Variants in ACAP2 observed in about 807,000 individuals in gnomAD.
ACAP2 encodes ArfGAP with coiled-coil, ankyrin repeat and PH domains 2.
Under a neutral mutation model 115.8 loss-of-function variants are expected in ACAP2, and 39 were observed. The ratio of observed to expected loss-of-function variants is 0.34; its 90% CI spans 0.26 to 0.44. The LOEUF is 0.44. Among genes scored for constraint, ACAP2 ranks in the 20% least tolerant of loss-of-function variants. The pLI is 1.00. For synonymous variants in ACAP2, 289 were observed against 315.8 expected, an observed-to-expected ratio of 0.92 and a Z score of 0.90; for missense variants, 662 against 927.6, an observed-to-expected ratio of 0.71 and a Z score of 3.72.
chr3:195,309,235 A>G (rs1368861411), intron 10 of ACAP2, among the ~76,000 whole-genome samples: 1 of 152,216 alleles, frequency 6.6e-6, no homozygotes, highest in Non-Finnish European at 1.5e-5. Flanking sequence ...ATAAATGTAT[A>G]TCGTGAATAA....
intron 4 of ACAP2, among the ~76,000 whole-genome samples, chr3:195,353,102 ATTGGAGCTTCC>A (rs907202215): frequency 4.2e-5 from 6 of 141,648 alleles, no homozygotes; most frequent in African/African-American, 1.6e-4. Flanking sequence ...AAAAAAAGGC[ATTGGAGCTTCC>A]TGTTTGCCCA....
At position 195,277,378 on chromosome 3, in the gene ACAP2, G is replaced by A. The variant is rs1726220876; in HGVS notation, c.*1950C>T. On this transcript the variant is annotated 3_prime_UTR_variant, in exon 23 of 23. Transcript: ENST00000326793. ...TGATCTATGACTTTGAGGTGAAACA[G>A]CAAAGATAAAGATTTAATGTTCCTG... 6.6e-6 allele frequency: 1 copy of A among 152,202 alleles called. No homozygotes were observed. The highest frequency in any genetic ancestry group is 2.4e-5 in the African/African-American group (1 of 41,458). The allele number at this position is 152,202 out of a possible 1,614,324, so 9.4% of individuals were successfully genotyped here.
In ACAP2 at chr3:195,279,911, A is replaced by C. The variant is rs536281194; in HGVS notation, c.2237-483T>G. 5.9e-5 allele frequency: 9 copies of C among 152,456 alleles called. No individual in the cohort carries two copies. The South Asian group carries it at 1.9e-3, about 32-fold the overall frequency. 9.4% of individuals were successfully genotyped at this position (152,456 alleles called of 1,614,324 possible). A position where few individuals can be genotyped will look rare whatever the true frequency, so the allele number is the denominator to read the frequency against. On this transcript the variant is annotated intron_variant, in intron 22 of 22. Coordinates refer to ENST00000326793, the MANE Select transcript of ACAP2 (RefSeq NM_012287.6). ...TGATAATCAGATAGGGAAAAATAAT[A>C]CTATCTTTTAATTAAAAGCAATTTG...
chr3:195,416,755 A>G, intron 1 of ACAP2, among the ~76,000 whole-genome samples: 1 of 152,334 alleles, frequency 6.6e-6, no homozygotes, highest in East Asian at 1.9e-4. Context: ...ATAAAACTAA[A>G]GGAATGTGTC....
At chr3:195,415,543 G>T (rs1713650483) in intron 1 of ACAP2, among the ~76,000 whole-genome samples, 2 of 152,066 alleles carry the variant, frequency 1.3e-5, no homozygotes, top group Non-Finnish European at 2.9e-5. Context: ...CCAAAGTGCT[G>T]GGATTACAGG....
chr3:195,427,665 T>C (rs140626356), intron 1 of ACAP2, among the ~76,000 whole-genome samples: 1 of 152,266 alleles, frequency 6.6e-6, no homozygotes, highest in African/African-American at 2.4e-5. Context: ...ATCCTAGCAC[T>C]TTGAGAGGCT....
chr3:195,317,956 T>A (rs1004022312), intron 10 of ACAP2, among the ~76,000 whole-genome samples: 1 of 152,116 alleles, frequency 6.6e-6, no homozygotes, highest in Non-Finnish European at 1.5e-5. Context: ...TGAACTGTAA[T>A]CCCCACATGC....
At chr3:195,364,696 ACCACTAAGGAAAACAGTTTGGAGATT>A (rs775228082) in intron 4 of ACAP2, among the ~76,000 whole-genome samples, 5 of 152,222 alleles carry the variant, frequency 3.3e-5, no homozygotes, top group Non-Finnish European at 7.3e-5. Context: ...AATTAGTACA[ACCACTAAGGAAAACAGTTTGGAGATT>A]CCTGAGAAAA....
chr3:195,285,762 T>C, intron 22 of ACAP2, 34 bp downstream of exon 22: 4 of 1,532,298 alleles, frequency 2.6e-6, no homozygotes, highest in Non-Finnish European at 3.6e-6. Context: ...TTTCTTATAC[T>C]GCATTTCAGT....
rs934528176 is a variant in ACAP2 at position 195,345,167 on chromosome 3, T to G, written c.344+92A>C. 9.3e-6 allele frequency: 8 copies of G among 855,968 alleles called. No individual in the cohort carries two copies. The South Asian group carries it at 1.2e-4, about 13-fold the overall frequency. 53.0% of individuals were successfully genotyped at this position (855,968 alleles called of 1,614,324 possible). A position where few individuals can be genotyped will look rare whatever the true frequency, so the allele number is the denominator to read the frequency against. On this transcript the variant is annotated intron_variant, in intron 5 of 22. Coordinates refer to ENST00000326793, the MANE Select transcript of ACAP2 (RefSeq NM_012287.6). ...AACAAAATGTCAATATTTTCAATAA[T>G]TCATGGTATATAACTTCTTCCAAAA...
chr3:195,359,081 A>G (rs966733786), intron 4 of ACAP2, among the ~76,000 whole-genome samples: 1 of 152,222 alleles, frequency 6.6e-6, no homozygotes, highest in African/African-American at 2.4e-5. Flanking sequence ...CATATGAAGC[A>G]AAAATATCCT....
At chr3:195,410,231 G>A (rs1015995214) in intron 1 of ACAP2, among the ~76,000 whole-genome samples, 5 of 152,144 alleles carry the variant, frequency 3.3e-5, no homozygotes, top group Non-Finnish European at 7.3e-5. Flanking sequence ...GCAAAAGAAT[G>A]AAGACCCTTA....
chr3:195,420,696 G>A (rs2108832370), intron 1 of ACAP2, among the ~76,000 whole-genome samples: 1 of 152,106 alleles, frequency 6.6e-6, no homozygotes, highest in East Asian at 1.9e-4. Flanking sequence ...GGGCTGGAGT[G>A]CAGTGGCGCC....
intron 1 of ACAP2, among the ~76,000 whole-genome samples, chr3:195,437,885 CTTTTTTTTTTT>C (rs1186712431): frequency 1.1e-5 from 1 of 90,746 alleles, no homozygotes; most frequent in East Asian, 3.8e-4. Flanking sequence ...ACTTTACATG[CTTTTTTTTTTT>C]TTTTTTTTTC....
At chr3:195,427,980 CAT>C (rs756444439) in intron 1 of ACAP2, among the ~76,000 whole-genome samples, 4,635 of 136,134 alleles carry the variant, frequency 0.034, 116 homozygotes, top group African/African-American at 0.07. Flanking sequence ...CACACAGATG[CAT>C]ATATATATAT....
chr3:195,412,698 A>G (rs566511860), intron 1 of ACAP2: 18 of 268,196 alleles, frequency 6.7e-5, no homozygotes, highest in East Asian at 5.7e-4. Context: ...CTTTTGAGCT[A>G]CAAGAAGTCT....
At position 195,438,490 on chromosome 3, in the gene ACAP2, G is replaced by GA. The variant is rs1249982408; in HGVS notation, c.53+4304dup. ...GATGGAAGGCAAAGGAAGGAGACAAGATTGGCACCAATCCAGACTTAATAG... is the reference window on the plus strand; with the variant it reads ...GATGGAAGGCAAAGGAAGGAGACAAGAATTGGCACCAATCCAGACTTAATAG... On this transcript the variant is annotated intron_variant, in intron 1 of 22. Coordinates refer to ENST00000326793, the MANE Select transcript of ACAP2 (RefSeq NM_012287.6). Among the ~76,000 whole-genome samples, 9 of 152,118 alleles carry GA rather than the reference G, an allele frequency of 5.9e-5. 1 individual carries two copies. The highest frequency in any genetic ancestry group is 1.7e-4 in the African/African-American group (7 of 41,410).
At chr3:195,320,114 C>T (rs565510071) in intron 10 of ACAP2, among the ~76,000 whole-genome samples, 1 of 152,342 alleles carries the variant, frequency 6.6e-6, no homozygotes, top group Non-Finnish European at 1.5e-5. Flanking sequence ...GCTTTCCCTT[C>T]ACCTTCTGCC....
chr3:195,407,275 A>G (rs560040346), intron 1 of ACAP2, among the ~76,000 whole-genome samples: 18 of 151,760 alleles, frequency 1.2e-4, no homozygotes, highest in African/African-American at 4.3e-4. Context: ...AGGTGGGAGG[A>G]TTGTTTGAGC....
Sources: allele counts gnomAD v4.1 joint callset (sites outside exome capture counted in the v4.1 genomes callset), GRCh38; gene constraint gnomAD v4.1.1; transcripts MANE v1.5; gene names NCBI Gene and HGNC (gene_info 2026-07-23, HGNC 2026-07-21).